Variants in COG1 observed in about 807,000 individuals in gnomAD.
The protein encoded by COG1 is component of oligomeric golgi complex 1, also known as conserved oligomeric Golgi complex subunit 1.
Under a neutral mutation model 102.2 loss-of-function variants are expected in COG1, and 61 were observed. That is an observed-to-expected ratio of 0.60 (90% CI 0.49 to 0.74). The LOEUF is 0.74. COG1 is among the 30% of genes least tolerant of loss of function. The pLI, the probability that COG1 is intolerant of heterozygous loss-of-function variation, is 0.00. For missense variants in COG1, 1,164 were observed against 1,232.1 expected, an observed-to-expected ratio of 0.94 and a Z score of 0.83; for synonymous variants, 454 against 493.6, an observed-to-expected ratio of 0.92 and a Z score of 1.06.
At chr17:73,205,450 C>G in intron 9 of COG1, 103 bp from the exon 10 acceptor site, 1 of 1,257,940 alleles carries the variant, frequency 7.9e-7, no homozygotes, top group Non-Finnish European at 1.2e-6. Context: ...CCATCTGCTT[C>G]TGAAATAGCA....
At chr17:73,207,588 T>C (rs1280696992) in intron 13 of COG1, 2 of 834,390 alleles carry the variant, frequency 2.4e-6, no homozygotes, top group African/African-American at 1.7e-5. Flanking sequence ...GGAGAAAATC[T>C]GTTTTGTTCT....
intron 1 of COG1, among the ~76,000 whole-genome samples, chr17:73,195,119 A>G (rs543534154): frequency 2.6e-5 from 4 of 152,328 alleles, no homozygotes; most frequent in African/African-American, 7.2e-5. Flanking sequence ...TTAAAACGCT[A>G]ACTTGAATTA....
rs1186592802 is a variant in COG1, at chr17:73,196,352, C to G, written c.316-155C>G. 13 of 1,117,686 alleles carry G rather than the reference C, an allele frequency of 1.2e-5. No individual in the cohort carries two copies. The East Asian group carries it at 2.8e-4, about 24-fold the overall frequency. The allele number at this position is 1,117,686 out of a possible 1,614,324, so 69.2% of individuals were successfully genotyped here. A position where few individuals can be genotyped will look rare whatever the true frequency, so the allele number is the denominator to read the frequency against. ...AACACTCCTGACTCTGGCAACTCTT[C>G]TACACTGGGCTTTGATGACTTGCTG... is the stretch of plus-strand genomic sequence containing the variant. On this transcript the variant is annotated intron_variant, in intron 1 of 13. Transcript: ENST00000299886.
chr17:73,205,513 C>T (rs1568298305), intron 9 of COG1, 40 bp from the exon 10 acceptor site: 2 of 1,612,202 alleles, frequency 1.2e-6, no homozygotes, highest in East Asian at 2.2e-5. Flanking sequence ...CATACCAAGT[C>T]CTCTCTCTTC....
chr17:73,197,960 C>T (rs1189721248), intron 4 of COG1, among the ~76,000 whole-genome samples: 1 of 152,214 alleles, frequency 6.6e-6, no homozygotes, highest in Non-Finnish European at 1.5e-5. Flanking sequence ...CTGGGACCTT[C>T]CAGGCTTGGT....
intron 13 of COG1, 60 bp from the exon 14 acceptor site, chr17:73,208,254 G>A: frequency 6.2e-7 from 1 of 1,610,268 alleles, no homozygotes; most frequent in Non-Finnish European, 8.5e-7. Flanking sequence ...CGCGCGGAGG[G>A]CGAGTGGGCA....
chr17:73,200,749 G>A lies in COG1; in HGVS notation c.1254G>A (p.Met418Ile). 1 of 1,609,636 alleles carries A rather than the reference G, an allele frequency of 6.2e-7. No individual in the cohort carries two copies. Among genetic ancestry groups the A allele is most frequent in the Middle Eastern group, 1.7e-4 (1 of 6,036 alleles). Residue 418 changes from methionine to isoleucine, a missense_variant, in exon 6 of 14, where the codon ATG becomes ATA. Met to Ile is a conservative substitution (Grantham distance 10). Transcript: ENST00000299886. Reference sequence around the variant, plus strand: ...CGCTCTTGTTCTGGGAAGATATGATGCAGCAACTGTTCCTTGACCGATTAC... The same window carrying A: ...CGCTCTTGTTCTGGGAAGATATGATACAGCAACTGTTCCTTGACCGATTAC... Reference protein sequence around the residue: ...EKPLLFWEDMMQQLFLDRLQT... With the variant: ...EKPLLFWEDMIQQLFLDRLQT...
chr17:73,195,235 A>G (rs1016855986), intron 1 of COG1, among the ~76,000 whole-genome samples: 1 of 152,262 alleles, frequency 6.6e-6, no homozygotes, highest in Non-Finnish European at 1.5e-5. Flanking sequence ...TTACAAAGAA[A>G]CAGAAGTCCC....
chr17:73,194,012 C>A (rs1179650034), intron 1 of COG1, among the ~76,000 whole-genome samples: 1 of 151,638 alleles, frequency 6.6e-6, no homozygotes, highest in Non-Finnish European at 1.5e-5. Context: ...TTTTCATTTT[C>A]AGAACTAAGG....
intron 9 of COG1, chr17:73,205,201 G>A (rs2061363090): frequency 6.5e-6 from 2 of 307,428 alleles, no homozygotes; most frequent in Non-Finnish European, 1.3e-5. Context: ...AACCCAAGAA[G>A]GAACAAATCC....
chr17:73,206,902 T>A (rs1599333055), intron 12 of COG1, 85 bp downstream of exon 12: 1 of 989,322 alleles, frequency 1.0e-6, no homozygotes, highest in East Asian at 2.4e-5. Context: ...CCATCCTGGC[T>A]AACATGGTGA....
rs759793131 is a variant in COG1 at position 73,207,162 on chromosome 17, C to A, written c.2730-19C>A. 3 of 1,588,302 alleles carry A rather than the reference C, an allele frequency of 1.9e-6. No homozygotes were observed. Among genetic ancestry groups the A allele is most frequent in the East Asian group, 2.3e-5 (1 of 43,106 alleles). ...AGCTGCCTGTTTGTGCTACTAAATTCTTTCCTCTTGTTTTGGAGGTTTGGA... is the reference window on the plus strand; with the variant it reads ...AGCTGCCTGTTTGTGCTACTAAATTATTTCCTCTTGTTTTGGAGGTTTGGA... On this transcript the variant is annotated intron_variant, in intron 12 of 13. Transcript: ENST00000299886.
At chr17:73,197,453 G>A in intron 4 of COG1, 57 bp downstream of exon 4, 1 of 1,587,298 alleles carries the variant, frequency 6.3e-7, no homozygotes, top group Non-Finnish European at 8.6e-7. Flanking sequence ...AATTTGCTCA[G>A]CGTCTACCGT....
In COG1 at chr17:73,203,242, T is replaced by C. The variant is rs2061354339; in HGVS notation, c.2220+96T>C. ...CATTCAACATACAACTTCTGAGGAA[T>C]AGCTGAAAGTAACATCTGTAATTTT... On this transcript the variant is annotated intron_variant, in intron 8 of 13. Transcript: ENST00000299886. 6.2e-6 allele frequency: 9 copies of C among 1,451,934 alleles called. No individual in the cohort carries two copies. In the South Asian group the frequency reaches 8.5e-5, roughly 14 times the overall value. The allele number at this position is 1,451,934 out of a possible 1,614,324, so 89.9% of individuals were successfully genotyped here.
rs1271509944 is a variant in COG1, at chr17:73,199,854, C to T, written c.914-11C>T. ...TGGCCTAGATGGCTTCTCACTTGGC[C>T]TTCTCTTTAGGAAAGGGCACTGGTG... On this transcript the variant is annotated splice_polypyrimidine_tract_variant and intron_variant, in intron 4 of 13. Coordinates refer to ENST00000299886, the MANE Select transcript of COG1 (RefSeq NM_018714.3). 3.7e-6 allele frequency: 6 copies of T among 1,614,118 alleles called. No individual in the cohort carries two copies. The highest frequency in any genetic ancestry group is 2.2e-5 in the South Asian group (2 of 91,070).
chr17:73,193,240 C>G lies in COG1; in HGVS notation c.171C>G (p.Arg57=). Residue 57 remains arginine (R), a synonymous_variant, in exon 1 of 14, where the codon CGC becomes CGG. Coordinates refer to ENST00000299886, the MANE Select transcript of COG1 (RefSeq NM_018714.3). ...GGCAGATGGTGGGCGAACGGTACCG[C>G]GACCTGATCGAGGCGGCCGACACCA... ...ELRQMVGERY[R]DLIEAADTIG... is the part of the protein sequence containing the mutation. 1 of 1,608,604 alleles carries G rather than the reference C, an allele frequency of 6.2e-7. No individual in the cohort carries two copies. The highest frequency in any genetic ancestry group is 8.5e-7 in the Non-Finnish European group (1 of 1,178,090).
chr17:73,205,447 C>T, intron 9 of COG1, 106 bp from the exon 10 acceptor site: 2 of 1,211,766 alleles, frequency 1.7e-6, no homozygotes, highest in South Asian at 2.4e-5. Context: ...AAACCATCTG[C>T]TTCTGAAATA....
In COG1 at chr17:73,201,188, G is replaced by C. The variant is rs1228760929; in HGVS notation, c.1361G>C (p.Ser454Thr). The C allele has an allele frequency of 6.2e-7, 1 of 1,614,164 alleles. No homozygotes were observed. The highest frequency in any genetic ancestry group is 2.2e-5 in the East Asian group (1 of 44,874). Residue 454 changes from serine to threonine, a missense_variant, in exon 7 of 14, where the codon AGC becomes ACC. Physicochemically the swap from Ser to Thr is moderately conservative, Grantham distance 58 (BLOSUM62 1). Coordinates refer to ENST00000299886, the MANE Select transcript of COG1 (RefSeq NM_018714.3). The part of the protein sequence containing the change: ...LLVSALQELE[S>T]STSNSPSNKH... The stretch of plus-strand genomic sequence containing the variant: ...GTTTCAGCTTTGCAGGAACTTGAAA[G>C]CAGCACCAGCAACTCCCCTTCAAAT...
At chr17:73,203,894 T>C (rs1025028725) in intron 9 of COG1, 101 bp downstream of exon 9, 2 of 1,349,974 alleles carry the variant, frequency 1.5e-6, no homozygotes, top group African/African-American at 1.4e-5. Context: ...ACTCAAACTG[T>C]TAAGGATCAC....
Sources: allele counts gnomAD v4.1 joint callset (sites outside exome capture counted in the v4.1 genomes callset), GRCh38; gene constraint gnomAD v4.1.1; transcripts MANE v1.5; gene names NCBI Gene and HGNC (gene_info 2026-07-23, HGNC 2026-07-21).